EYS: variants seen among roughly 807,000 people sequenced by gnomAD.
EYS encodes the protein protein eyes shut homolog.
EYS carries 250 observed loss-of-function variants against 282.1 expected under a neutral mutation model. That is an observed-to-expected ratio of 0.89 (90% CI 0.80 to 0.98). EYS has a LOEUF of 0.98. Among genes scored for constraint, EYS ranks in the 50% least tolerant of loss-of-function variants. EYS has a pLI of 0.00. For missense variants in EYS, 4,016 were observed against 3,709.0 expected (o/e 1.08, Z -2.15); for synonymous variants, 1,355 against 1,282.9 (o/e 1.06, Z -1.20).
intron 26 of EYS, among the ~76,000 whole-genome samples, chr6:64,522,125 G>T (rs1240221242): frequency 2.0e-5 from 3 of 151,776 alleles, no homozygotes; most frequent in African/African-American, 7.2e-5. Flanking sequence ...TGTGTTAAAT[G>T]TACAAACTAA....
intron 28 of EYS, among the ~76,000 whole-genome samples, chr6:64,400,608 T>C (rs921576862): frequency 1.3e-5 from 2 of 152,082 alleles, no homozygotes; most frequent in African/African-American, 2.4e-5. Flanking sequence ...TTGTGCTCGA[T>C]TGAATCTGAC....
At chr6:65,672,009 A>C (rs1255411154) in intron 1 of EYS, among the ~76,000 whole-genome samples, 1 of 152,110 alleles carries the variant, frequency 6.6e-6, no homozygotes, top group African/African-American at 2.4e-5. Context: ...TCCCCAGCTC[A>C]GCATAACAGT....
At chr6:65,579,044 C>A (rs112967921) in intron 2 of EYS, among the ~76,000 whole-genome samples, 81 of 152,230 alleles carry the variant, frequency 5.3e-4, no homozygotes, top group African/African-American at 1.8e-3. Context: ...TGTCCAGTTA[C>A]TTTTGCTCTG....
At chr6:64,309,869 G>T (rs988428578) in intron 29 of EYS, among the ~76,000 whole-genome samples, 1 of 151,636 alleles carries the variant, frequency 6.6e-6, no homozygotes, top group Non-Finnish European at 1.5e-5. Flanking sequence ...GGAGGCTGTG[G>T]CAAGAGAATT....
At chr6:64,371,638 G>T (rs947311629) in intron 29 of EYS, among the ~76,000 whole-genome samples, 1 of 151,964 alleles carries the variant, frequency 6.6e-6, no homozygotes, top group African/African-American at 2.4e-5. Context: ...ATTATTCTGT[G>T]GTCATCTAAG....
At chr6:63,765,757 G>T (rs1467509374) in intron 40 of EYS, among the ~76,000 whole-genome samples, 1 of 151,910 alleles carries the variant, frequency 6.6e-6, no homozygotes, top group Non-Finnish European at 1.5e-5. Flanking sequence ...ATTCTCACTA[G>T]TTTTTTGTAC....
intron 12 of EYS, among the ~76,000 whole-genome samples, chr6:65,140,711 C>T (rs1377856533): frequency 2.0e-5 from 3 of 152,086 alleles, no homozygotes; most frequent in Non-Finnish European, 2.9e-5. Flanking sequence ...CAAAAGAAGA[C>T]ATTTATGCAG....
chr6:65,158,850 G>T (rs1295092292), intron 12 of EYS, among the ~76,000 whole-genome samples: 1 of 150,898 alleles, frequency 6.6e-6, no homozygotes, highest in Non-Finnish European at 1.5e-5. Context: ...CTGCCTTTAT[G>T]AATTTGCACT....
intron 34 of EYS, among the ~76,000 whole-genome samples, chr6:63,995,196 C>T (rs1767779773): frequency 6.6e-6 from 1 of 151,748 alleles, no homozygotes; most frequent in African/African-American, 2.4e-5. Context: ...ACACACAAAG[C>T]AGACAAACAA....
rs577955124 is a variant in EYS at position 64,591,938 on chromosome 6, A to C, written c.3929T>G (p.Leu1310Trp). 5 of 1,531,908 alleles carry C rather than the reference A, an allele frequency of 3.3e-6. No homozygotes were observed. The highest frequency in any genetic ancestry group is 2.8e-5 in the African/African-American group (2 of 72,580). 94.9% of individuals were successfully genotyped at this position (1,531,908 alleles called of 1,614,324 possible). A position where few individuals can be genotyped will look rare whatever the true frequency, so the allele number is the denominator to read the frequency against. Residue 1310 changes from leucine to tryptophan, a missense_variant, in exon 26 of 43, where the codon TTG becomes TGG. Leu to Trp is a moderately conservative substitution (Grantham distance 61). Transcript: ENST00000503581. ...GGGTGTGCTAATTCTTAATGTTGCC[A>C]AACCAGTGGTTGGGAGAATGTCGTG... ...VKHDILPTTG[L>W]ATLRISTPLE...
Position 64,894,806 on chromosome 6 carries a change from C to T in EYS, c.2846+7307G>A, listed in dbSNP as rs1382551798. ...ACTTATCTCTGCAATGCTACTGATC[C>T]ACCAGTAGAAATATAAGATTATTGA... On this transcript the variant is annotated intron_variant, in intron 18 of 42. Transcript: ENST00000503581. Among the ~76,000 whole-genome samples, 3 of 152,048 alleles carry T rather than the reference C, an allele frequency of 2.0e-5. No individual in the cohort carries two copies. The East Asian group carries it at 5.8e-4, about 29-fold the overall frequency.
At chr6:63,792,215 G>A (rs1341862419) in intron 37 of EYS, among the ~76,000 whole-genome samples, 1 of 151,582 alleles carries the variant, frequency 6.6e-6, no homozygotes, top group Non-Finnish European at 1.5e-5. Context: ...GATAAGGAGA[G>A]CCAGGGAACC....
At chr6:64,813,245 T>A in intron 22 of EYS, 133 bp downstream of exon 22, 1 of 565,424 alleles carries the variant, frequency 1.8e-6, no homozygotes, top group South Asian at 3.4e-5. Flanking sequence ...TTTTCTAAGT[T>A]GTGCTTATAT....
intron 12 of EYS, among the ~76,000 whole-genome samples, chr6:65,195,272 A>G (rs559905514): frequency 1.3e-5 from 2 of 152,170 alleles, no homozygotes; most frequent in South Asian, 4.1e-4. Flanking sequence ...TTACAATTCC[A>G]TCATCAACTT....
intron 29 of EYS, among the ~76,000 whole-genome samples, chr6:64,317,626 C>A (rs1464276380): frequency 6.6e-6 from 1 of 152,030 alleles, no homozygotes; most frequent in African/African-American, 2.4e-5. Context: ...TGTGGCAATT[C>A]CTCAAGGATC....
chr6:64,951,532 C>T (rs747609633), intron 14 of EYS, among the ~76,000 whole-genome samples: 3 of 151,840 alleles, frequency 2.0e-5, no homozygotes, highest in Non-Finnish European at 4.4e-5. Flanking sequence ...GACAAACTGA[C>T]AGTAGAAATA....
intron 24 of EYS, among the ~76,000 whole-genome samples, chr6:64,602,948 G>C (rs540562992): frequency 3.3e-5 from 5 of 152,096 alleles, no homozygotes; most frequent in African/African-American, 1.2e-4. Context: ...GAGTTTTTCT[G>C]GTTGCTTAGC....
chr6:64,590,080 A>G (rs1766355359), intron 26 of EYS, 143 bp downstream of exon 26: 3 of 654,394 alleles, frequency 4.6e-6, no homozygotes, highest in Non-Finnish European at 7.8e-6. Context: ...GTACAACAGC[A>G]GGTGCCTTCT....
chr6:64,525,173 G>A (rs1777876527), intron 26 of EYS, among the ~76,000 whole-genome samples: 1 of 151,544 alleles, frequency 6.6e-6, no homozygotes, highest in African/African-American at 2.4e-5. Flanking sequence ...TTCATTGCTG[G>A]GTATATACCC....
Sources: gnomAD v4.1 joint callset for allele counts (sites outside exome capture counted in the v4.1 genomes callset) on GRCh38, gnomAD v4.1.1 for gene constraint, MANE v1.5 for transcripts, NCBI Gene and HGNC (gene_info 2026-07-23, HGNC 2026-07-21) for gene names.